The following DLC1 variants were observed in gnomAD, a reference collection of about 807,000 sequenced individuals.
The protein encoded by DLC1 is rho GTPase-activating protein 7.
Under a neutral mutation model 140.3 loss-of-function variants are expected in DLC1, and 54 were observed. The ratio of observed to expected loss-of-function variants is 0.38; its 90% CI spans 0.31 to 0.48. DLC1 has a LOEUF of 0.48. Ranked by LOEUF, DLC1 falls within the 20% of genes least tolerant of loss-of-function variation. The pLI is 0.96. For synonymous variants in DLC1, 986 were observed against 728.1 expected, an observed-to-expected ratio of 1.35 and a Z score of -5.70; for missense variants, 2,536 against 1,907.0, an observed-to-expected ratio of 1.33 and a Z score of -6.14.
chr8:13,534,071 C>T (rs899252398), intron 1 of DLC1, among the ~76,000 whole-genome samples: 1 of 152,030 alleles, frequency 6.6e-6, no homozygotes, highest in African/African-American at 2.4e-5. Context: ...GATCTAAGTC[C>T]CCCTTTCTTT....
At chr8:13,488,508 GA>G (rs972327489) in intron 2 of DLC1, among the ~76,000 whole-genome samples, 1 of 152,122 alleles carries the variant, frequency 6.6e-6, no homozygotes, top group Non-Finnish European at 1.5e-5. Context: ...GACAGAAACA[GA>G]AAACAGAACA....
intron 1 of DLC1, among the ~76,000 whole-genome samples, chr8:13,571,895 C>G (rs1209280380): frequency 2.6e-5 from 4 of 152,012 alleles, no homozygotes; most frequent in Admixed American, 2.6e-4. Context: ...AAAGTTATAG[C>G]CATTTTGGTA....
intron 4 of DLC1, among the ~76,000 whole-genome samples, chr8:13,371,844 C>T (rs1442645513): frequency 1.3e-5 from 2 of 152,114 alleles, no homozygotes; most frequent in Non-Finnish European, 2.9e-5. Context: ...GCATGGCACA[C>T]AGTAGGCACT....
chr8:13,581,393 TC>T (rs959392625), intron 1 of DLC1, among the ~76,000 whole-genome samples: 29 of 152,300 alleles, frequency 1.9e-4, no homozygotes, highest in Admixed American at 1.6e-3. Flanking sequence ...CTGTCTCTGT[TC>T]CAGCCTTCCC....
intron 2 of DLC1, among the ~76,000 whole-genome samples, chr8:13,425,903 C>T (rs896202121): frequency 2.0e-5 from 3 of 152,132 alleles, no homozygotes; most frequent in Non-Finnish European, 2.9e-5. Flanking sequence ...CTATTTAGAA[C>T]AAGTTAAAGA....
chr8:13,400,006 A>G (rs1837224231), intron 3 of DLC1, among the ~76,000 whole-genome samples: 1 of 152,168 alleles, frequency 6.6e-6, no homozygotes, highest in Non-Finnish European at 1.5e-5. Context: ...TCCTGCCATT[A>G]TAATCCTCTT....
At chr8:13,144,821 C>T (rs1216755661) in intron 5 of DLC1, among the ~76,000 whole-genome samples, 1 of 152,204 alleles carries the variant, frequency 6.6e-6, no homozygotes, top group East Asian at 1.9e-4. Context: ...TTTATCTGTC[C>T]TACTGGTTCT....
At chr8:13,287,250 G>C (rs1049535909) in intron 5 of DLC1, among the ~76,000 whole-genome samples, 5 of 152,062 alleles carry the variant, frequency 3.3e-5, no homozygotes, top group Admixed American at 6.5e-5. Context: ...TGTATGGCTC[G>C]TCAGGGTCTA....
At chr8:13,350,892 T>G (rs1834627399) in intron 4 of DLC1, among the ~76,000 whole-genome samples, 3 of 152,196 alleles carry the variant, frequency 2.0e-5, no homozygotes, top group African/African-American at 7.2e-5. Flanking sequence ...ACTCATTCTT[T>G]TGAGATCTTG....
rs1281761193 is a variant in DLC1, at chr8:13,447,340, C to G, written c.1024-45721G>C. Among the ~76,000 whole-genome samples, 5 of 152,208 alleles carry G rather than the reference C, an allele frequency of 3.3e-5. No homozygotes were observed. In the East Asian group the frequency reaches 7.7e-4, roughly 24 times the overall value. ...TCTTATATTTTCTTATTAAGGCATA[C>G]GATTTATGACACTAACCTTTTGCGT... On this transcript the variant is annotated intron_variant, in intron 2 of 17. Transcript: ENST00000276297.
chr8:13,256,427 T>C lies in DLC1; in HGVS notation c.1348+48842A>G, dbSNP rs961307233. Reference sequence around the variant, plus strand: ...CTATAAAGACACACGCACACGTATGTTTATTGCAACACTATTCACAATAGC... The same window carrying C: ...CTATAAAGACACACGCACACGTATGCTTATTGCAACACTATTCACAATAGC... On this transcript the variant is annotated intron_variant, in intron 5 of 17. Transcript: ENST00000276297. Among the ~76,000 whole-genome samples, 17 of 152,286 alleles carry C rather than the reference T, an allele frequency of 1.1e-4. No individual in the cohort carries two copies. The East Asian group carries it at 3.3e-3, about 29-fold the overall frequency.
intron 2 of DLC1, among the ~76,000 whole-genome samples, chr8:13,467,870 T>G (rs905978803): frequency 6.6e-6 from 1 of 152,240 alleles, no homozygotes; most frequent in Non-Finnish European, 1.5e-5. Flanking sequence ...TAGATTTTTC[T>G]AATAGTAAAA....
At chr8:13,561,377 G>T (rs546636421) in intron 1 of DLC1, among the ~76,000 whole-genome samples, 1 of 152,084 alleles carries the variant, frequency 6.6e-6, no homozygotes, top group Admixed American at 6.6e-5. Context: ...AAGGGGTCTC[G>T]CTGTGTTGCC....
chr8:13,216,612 C>G (rs963335919), intron 5 of DLC1, among the ~76,000 whole-genome samples: 1 of 152,134 alleles, frequency 6.6e-6, no homozygotes, highest in Non-Finnish European at 1.5e-5. Context: ...CCTGAGAGCT[C>G]CAGCATGCAA....
At chr8:13,444,452 A>G (rs1042191381) in intron 2 of DLC1, among the ~76,000 whole-genome samples, 3 of 151,994 alleles carry the variant, frequency 2.0e-5, no homozygotes, top group African/African-American at 7.2e-5. Context: ...GTTTAATAAT[A>G]AAAAAAAGAA....
intron 2 of DLC1, among the ~76,000 whole-genome samples, chr8:13,452,775 T>C (rs1470788984): frequency 1.3e-5 from 2 of 152,192 alleles, no homozygotes; most frequent in Non-Finnish European, 2.9e-5. Context: ...AGGGTTAGTT[T>C]AAGCATACAA....
At chr8:13,447,580 A>G (rs1481156096) in intron 2 of DLC1, among the ~76,000 whole-genome samples, 1 of 152,208 alleles carries the variant, frequency 6.6e-6, no homozygotes, top group Non-Finnish European at 1.5e-5. Flanking sequence ...AAAAGAAAAA[A>G]ACGTTCATTA....
intron 1 of DLC1, among the ~76,000 whole-genome samples, chr8:13,544,031 A>G (rs549662678): frequency 6.6e-6 from 1 of 152,232 alleles, no homozygotes; most frequent in Middle Eastern, 3.4e-3. Flanking sequence ...ATAAAAATGA[A>G]CAATTTGATT....
intron 1 of DLC1, among the ~76,000 whole-genome samples, chr8:13,592,269 T>C (rs1041595047): frequency 6.6e-6 from 1 of 152,140 alleles, no homozygotes; most frequent in African/African-American, 2.4e-5. Context: ...TCTAGTGAGA[T>C]ATTGGATTTT....
Sources: allele counts gnomAD v4.1 joint callset (sites outside exome capture counted in the v4.1 genomes callset), GRCh38; gene constraint gnomAD v4.1.1; transcripts MANE v1.5; gene names NCBI Gene and HGNC (gene_info 2026-07-23, HGNC 2026-07-21).